OR8G1: variants seen among roughly 807,000 people sequenced by gnomAD.
OR8G1 encodes the protein olfactory receptor family 8 subfamily G member 1.
For synonymous variants in OR8G1, 129 were observed against 133.3 expected, an observed-to-expected ratio of 0.97 and a Z score of 0.22; for missense variants, 372 against 356.2, an observed-to-expected ratio of 1.04 and a Z score of -0.36.
At chr11:124,249,186 T>A in intron 2 of OR8G1, among the ~76,000 whole-genome samples, 1 of 152,218 alleles carries the variant, frequency 6.6e-6, no homozygotes, top group South Asian at 2.1e-4. Flanking sequence ...ATATGAAAAT[T>A]TTATGTATAA....
At chr11:124,244,852 T>C (rs906597657) in intron 1 of OR8G1, among the ~76,000 whole-genome samples, 1 of 151,960 alleles carries the variant, frequency 6.6e-6, no homozygotes, top group African/African-American at 2.4e-5. Flanking sequence ...TTCAGTGCTT[T>C]GTTGGTGTCT....
At position 124,249,962 on chromosome 11, in the gene OR8G1, A is replaced by C. The variant is rs773016913; in HGVS notation, c.287A>C (p.Glu96Ala). The C allele has an allele frequency of 1.9e-5, 31 of 1,613,834 alleles. No individual in the cohort carries two copies. The South Asian group carries it at 2.6e-4, about 14-fold the overall frequency. Residue 96 changes from glutamate (E) to alanine (A), a missense_variant, in exon 3 of 3, where the codon GAA becomes GCA. Coordinates refer to ENST00000641972, the MANE Select transcript of OR8G1 (RefSeq NM_001002905.2). ...GAGAAGAACATCATCTCCTACCCTG[A>C]ATGCATGACTCAGCTCTACTTCTTC... ...VTEKNIISYP[E>A]CMTQLYFFLV...
intron 1 of OR8G1, 100 bp from the exon 2 acceptor site, chr11:124,247,701 C>CAGAA (rs946185028): frequency 6.6e-6 from 1 of 150,910 alleles, no homozygotes; most frequent in Non-Finnish European, 1.5e-5. Flanking sequence ...GCATATAAGA[C>CAGAA]AGAGAGAGGA....
chr11:124,243,339 C>G (rs1442023250), intron 1 of OR8G1, among the ~76,000 whole-genome samples: 3 of 151,800 alleles, frequency 2.0e-5, no homozygotes, highest in Admixed American at 6.6e-5. Flanking sequence ...AAGTATTTTT[C>G]AGAGCCTCAT....
At position 124,249,526 on chromosome 11, in the gene OR8G1, A is replaced by T. The variant is rs1861843041; in HGVS notation, c.-16-134A>T. 2.2e-5 allele frequency: 15 copies of T among 693,150 alleles called. 1 individual carries two copies. The East Asian group carries it at 4.2e-4, about 19-fold the overall frequency. 42.9% of individuals were successfully genotyped at this position (693,150 alleles called of 1,614,324 possible). On this transcript the variant is annotated intron_variant, in intron 2 of 2. Coordinates refer to ENST00000641972, the MANE Select transcript of OR8G1 (RefSeq NM_001002905.2). ...TTGAAAATAAGATTAAATAAATATT[A>T]TTTGAGGTAAACTTTACTTACTCAA... is the stretch of plus-strand genomic sequence containing the variant.
chr11:124,246,759 C>T (rs568362207), intron 1 of OR8G1, among the ~76,000 whole-genome samples: 2 of 151,146 alleles, frequency 1.3e-5, no homozygotes, highest in East Asian at 1.9e-4. Flanking sequence ...AAAAATTGAC[C>T]ATATGGTGTA....
intron 2 of OR8G1, among the ~76,000 whole-genome samples, chr11:124,249,257 A>G (rs1861839913): frequency 1.3e-5 from 2 of 152,062 alleles, no homozygotes; most frequent in South Asian, 4.1e-4. Flanking sequence ...ATCTCTGTTC[A>G]CCCCTCCCAG....
Position 124,251,607 on chromosome 11 carries a change from C to A in OR8G1, c.*996C>A. 1 of 246,104 alleles carries A rather than the reference C, an allele frequency of 4.1e-6. No individual in the cohort carries two copies. Among genetic ancestry groups the A allele is most frequent in the Non-Finnish European group, 8.2e-6 (1 of 121,290 alleles). The allele number at this position is 246,104 out of a possible 1,614,324, so 15.2% of individuals were successfully genotyped here. A position where few individuals can be genotyped will look rare whatever the true frequency, so the allele number is the denominator to read the frequency against. On this transcript the variant is annotated 3_prime_UTR_variant, in exon 3 of 3. Coordinates refer to ENST00000641972, the MANE Select transcript of OR8G1 (RefSeq NM_001002905.2). ...TTAAGTCATTAAACCCTCTCAACAA[C>A]CAAGGAGTCCCTAAAGCAATACTTA...
At chr11:124,244,624 G>A (rs1565315126) in intron 1 of OR8G1, among the ~76,000 whole-genome samples, 1 of 151,874 alleles carries the variant, frequency 6.6e-6, no homozygotes, top group Admixed American at 6.6e-5. Flanking sequence ...TAGAAAGGAA[G>A]GCAATTACTG....
At chr11:124,246,068 T>A (rs2137747059) in intron 1 of OR8G1, among the ~76,000 whole-genome samples, 1 of 150,514 alleles carries the variant, frequency 6.6e-6, no homozygotes, top group Non-Finnish European at 1.5e-5. Flanking sequence ...GCTTTTGGTG[T>A]TTTAGGCATG....
intron 1 of OR8G1, among the ~76,000 whole-genome samples, chr11:124,241,737 G>A (rs1001712152): frequency 1.3e-5 from 2 of 152,132 alleles, no homozygotes; most frequent in African/African-American, 4.8e-5. Flanking sequence ...AAAGACAGGT[G>A]TTGGTAAGAC....
chr11:124,251,370 TTATC>T lies in OR8G1; in HGVS notation c.*763_*766del, dbSNP rs1188638279. 2.7e-5 allele frequency: 1 copy of T among 37,700 alleles called. No homozygotes were observed. Among genetic ancestry groups the T allele is most frequent in the African/African-American group, 1.8e-4 (1 of 5,446 alleles). 2.3% of individuals were successfully genotyped at this position (37,700 alleles called of 1,614,324 possible). A position where few individuals can be genotyped will look rare whatever the true frequency, so the allele number is the denominator to read the frequency against. ...AAGCCATATGTATGTCATACTTACTTTATCTATTTATCTCTCGAAGAGCTACATA... is the reference window on the plus strand; with the variant it reads ...AAGCCATATGTATGTCATACTTACTTTATTTATCTCTCGAAGAGCTACATA... On this transcript the variant is annotated 3_prime_UTR_variant, in exon 3 of 3. Transcript: ENST00000641972.
chr11:124,245,928 T>A, intron 1 of OR8G1, among the ~76,000 whole-genome samples: 1 of 145,488 alleles, frequency 6.9e-6, no homozygotes, highest in Non-Finnish European at 1.5e-5. Flanking sequence ...CTTTGTCAGA[T>A]GAGTAGGTTG....
At chr11:124,247,179 C>T (rs1473578309) in intron 1 of OR8G1, among the ~76,000 whole-genome samples, 1 of 151,478 alleles carries the variant, frequency 6.6e-6, no homozygotes, top group Admixed American at 6.6e-5. Flanking sequence ...TTAGAAACAA[C>T]TAAAGTAGAA....
intron 2 of OR8G1, among the ~76,000 whole-genome samples, chr11:124,248,960 G>A (rs989430486): frequency 2.6e-5 from 4 of 151,982 alleles, no homozygotes; most frequent in Non-Finnish European, 5.9e-5. Flanking sequence ...ACTTATCCAC[G>A]GGTATCATTA....
intron 1 of OR8G1, 47 bp from the exon 2 acceptor site, chr11:124,247,754 A>G (rs138079248): frequency 3.3e-5 from 5 of 151,792 alleles, no homozygotes; most frequent in Admixed American, 3.3e-4. Context: ...TGTATACTAC[A>G]TCTCATTTAT....
chr11:124,245,897 T>C (rs1861806356), intron 1 of OR8G1, among the ~76,000 whole-genome samples: 1 of 150,894 alleles, frequency 6.6e-6, no homozygotes, highest in Admixed American at 6.6e-5. Context: ...TTGAGTTCAT[T>C]GTAGATTCTG....
At chr11:124,248,893 G>A (rs1050330489) in intron 2 of OR8G1, among the ~76,000 whole-genome samples, 2 of 152,026 alleles carry the variant, frequency 1.3e-5, no homozygotes, top group African/African-American at 4.8e-5. Context: ...TAATAGGTAG[G>A]TAATATTTTT....
In OR8G1 at chr11:124,253,094, A is replaced by G. The variant is rs1211236978; in HGVS notation, c.*2483A>G. ...TACTAAAAAATTAACAGCTTAAATG[A>G]AGATAAAACAATAATTTAAAGTCCG... On this transcript the variant is annotated 3_prime_UTR_variant, in exon 3 of 3. Transcript: ENST00000641972. The G allele has an allele frequency of 6.6e-6, 1 of 152,184 alleles. No individual in the cohort carries two copies. Among genetic ancestry groups the G allele is most frequent in the East Asian group, 1.9e-4 (1 of 5,198 alleles). The allele number at this position is 152,184 out of a possible 1,614,324, so 9.4% of individuals were successfully genotyped here.
Sources: gnomAD v4.1 joint callset for allele counts (sites outside exome capture counted in the v4.1 genomes callset) on GRCh38, gnomAD v4.1.1 for gene constraint, MANE v1.5 for transcripts, NCBI Gene and HGNC (gene_info 2026-07-23, HGNC 2026-07-21) for gene names.